Variants in PSG1 observed in about 807,000 individuals in gnomAD.
PSG1 encodes pregnancy-specific beta-1-glycoprotein 1.
A neutral mutation model predicts 41.4 loss-of-function variants in PSG1; 60 were observed. That is an observed-to-expected ratio of 1.45 (90% CI 1.18 to 1.80). PSG1 has a LOEUF of 1.80. Ranked by LOEUF, PSG1 falls within the 40% of genes most tolerant of loss-of-function variation. The pLI is 0.00. For missense variants in PSG1, 806 were observed against 516.9 expected (o/e 1.56, Z -5.42); for synonymous variants, 256 against 192.9 (o/e 1.33, Z -2.71).
At chr19:42,872,353 C>T (rs1038167566) in intron 2 of PSG1, among the ~76,000 whole-genome samples, 1 of 151,668 alleles carries the variant, frequency 6.6e-6, no homozygotes, top group African/African-American at 2.4e-5. Flanking sequence ...CCGTCTCCAA[C>T]TGCCTGCCTG....
intron 2 of PSG1, among the ~76,000 whole-genome samples, chr19:42,874,545 A>G (rs1309544721): frequency 6.6e-6 from 1 of 151,584 alleles, no homozygotes; most frequent in Non-Finnish European, 1.5e-5. Flanking sequence ...ACGGGGTTTC[A>G]CCATGTTAGC....
intron 2 of PSG1, among the ~76,000 whole-genome samples, chr19:42,875,892 C>A (rs547435462): frequency 6.9e-6 from 1 of 143,934 alleles, no homozygotes; most frequent in East Asian, 2.0e-4. Context: ...GATGGAGGAA[C>A]TGCCTATCCC....
chr19:42,872,991 A>T (rs1189672252), intron 2 of PSG1, among the ~76,000 whole-genome samples: 5 of 151,534 alleles, frequency 3.3e-5, no homozygotes, highest in Admixed American at 3.3e-4. Context: ...TAGACATTCT[A>T]CTCTCTGATT....
At position 42,877,918 on chromosome 19, in the gene PSG1, A is replaced by G. The variant is rs572222564; in HGVS notation, c.425T>C (p.Leu142Ser). Residue 142 changes from leucine to serine, a missense_variant, in exon 2 of 6, where the codon TTA becomes TCA. Physicochemically the swap from Leu to Ser is moderately radical, Grantham distance 145 (BLOSUM62 -2). Coordinates refer to ENST00000436291, the MANE Select transcript of PSG1 (RefSeq NM_001184825.2). The part of the protein sequence containing the change: ...RGVTGRFTFT[L>S]HLETPKPSIS... ...GATCATGTGGAATCACTTACGGTGT[A>G]AGGTGAAGGTGAAACGTCCAGTTAC... 3 of 1,612,080 alleles carry G rather than the reference A, an allele frequency of 1.9e-6. No individual in the cohort carries two copies. In the African/African-American group the frequency reaches 4.0e-5, roughly 22 times the overall value.
At chr19:42,870,354 G>C (rs1971328720) in intron 3 of PSG1, 1 of 151,610 alleles carries the variant, frequency 6.6e-6, no homozygotes, top group African/African-American at 2.4e-5. Flanking sequence ...CAGATTAGTA[G>C]GCAAAAGTGG....
Position 42,878,173 on chromosome 19 carries a change from T to C in PSG1, c.170A>G (p.Asn57Ser), listed in dbSNP as rs1258232122. 6.2e-6 allele frequency: 10 copies of C among 1,612,030 alleles called. No homozygotes were observed. The Admixed American group carries it at 1.3e-4, about 22-fold the overall frequency. Residue 57 changes from asparagine (N) to serine (S), a missense_variant, in exon 2 of 6, where the codon AAT becomes AGT. By Grantham distance (46) the Asn-to-Ser change is conservative. Transcript: ENST00000436291. Reference protein sequence around the residue: ...EGKDVLLLVHNLPQNLTGYIW... With the variant: ...EGKDVLLLVHSLPQNLTGYIW... ...GTAGCCGGTAAGATTCTGGGGCAAA[T>C]TGTGGACAAGTAGAAGAACATCCTT... is the stretch of plus-strand genomic sequence containing the variant.
rs1058668 is a variant in PSG1, at chr19:42,877,960, T to C, written c.383A>G (p.Asp128Gly). The change falls in exon 2 of 6, where the codon GAT (aspartate) becomes GGT (glycine). Residue 128 changes from aspartate to glycine, a missense_variant. Transcript: ENST00000436291. ...TCCAGTTACTCCTCTAGTCCCATCATCTCCCTTTATGATGTGTAAGGTGTA... is the reference window on the plus strand; with the variant it reads ...TCCAGTTACTCCTCTAGTCCCATCACCTCCCTTTATGATGTGTAAGGTGTA... ...GSYTLHIIKG[D>G]DGTRGVTGRF... The C allele has an allele frequency of 1.2e-4, 199 of 1,612,312 alleles. 3 individuals are homozygous for C. Among genetic ancestry groups the C allele is most frequent in the Middle Eastern group, 1.2e-3 (7 of 6,058 alleles).
rs765026561 is a variant in PSG1 at position 42,879,539 on chromosome 19, A to T, written c.43T>A (p.Trp15Arg). 1.2e-6 allele frequency: 2 copies of T among 1,610,484 alleles called. No homozygotes were observed. Among genetic ancestry groups the T allele is most frequent in the Admixed American group, 1.7e-5 (1 of 59,778 alleles). Residue 15 changes from tryptophan (W) to arginine (R), a missense_variant, in exon 1 of 6, where the codon TGG (tryptophan) becomes AGG (arginine). By Grantham distance (101) the Trp-to-Arg change is moderately radical. Coordinates refer to ENST00000436291, the MANE Select transcript of PSG1 (RefSeq NM_001184825.2). Reference sequence around the variant, plus strand: ...TCACCTGTGAGCAGGAGCCCCTTCCATTTGATGCGCTGTGTGCAGGGAGGG... The same window carrying T: ...TCACCTGTGAGCAGGAGCCCCTTCCTTTTGATGCGCTGTGTGCAGGGAGGG... ...SAPPCTQRIKWKGLLLTASLL... is the reference protein window; with the variant it reads ...SAPPCTQRIKRKGLLLTASLL...
chr19:42,878,375 C>A (rs1401596207), intron 1 of PSG1, 97 bp from the exon 2 acceptor site: 5 of 1,455,492 alleles, frequency 3.4e-6, no homozygotes, highest in Admixed American at 4.5e-5. Context: ...CAGTCCTCAG[C>A]CTTGACAACA....
At chr19:42,878,671 T>A (rs1037820340) in intron 1 of PSG1, among the ~76,000 whole-genome samples, 7 of 148,674 alleles carry the variant, frequency 4.7e-5, no homozygotes, top group Admixed American at 2.0e-4. Context: ...CTTCCCTTTC[T>A]GACCTTTCCC....
At chr19:42,873,817 A>C (rs1192915116) in intron 2 of PSG1, among the ~76,000 whole-genome samples, 10 of 151,610 alleles carry the variant, frequency 6.6e-5, no homozygotes, top group Non-Finnish European at 1.0e-4. Flanking sequence ...CCTGCTTCTA[A>C]ATTCTGTGCA....
chr19:42,877,595 A>C (rs10421724), intron 2 of PSG1, among the ~76,000 whole-genome samples: 28,770 of 151,446 alleles, frequency 0.19, 3,875 homozygotes, highest in East Asian at 0.43. Context: ...CTACTCAGTT[A>C]TCCAGGGTCT....
chr19:42,876,590 G>T (rs1257098157), intron 2 of PSG1: 2 of 376,312 alleles, frequency 5.3e-6, no homozygotes, highest in South Asian at 2.3e-5. Context: ...CTGTGGTGGT[G>T]TAGAGTGTGA....
Position 42,878,024 on chromosome 19 carries a change from G to C in PSG1, c.319C>G (p.Leu107Val), listed in dbSNP as rs768327773. ...TCCCGGGTGACATTCTGGATCAGCAGGGATGCATTGGAATATGCTGTTTCT... is the reference window on the plus strand; with the variant it reads ...TCCCGGGTGACATTCTGGATCAGCACGGATGCATTGGAATATGCTGTTTCT... ...GRETAYSNAS[L>V]LIQNVTREDA... The change falls in exon 2 of 6, where the codon CTG becomes GTG. Residue 107 changes from leucine to valine, a missense_variant. Physicochemically the swap from Leu to Val is conservative, Grantham distance 32. Transcript: ENST00000436291. 29 of 1,612,316 alleles carry C rather than the reference G, an allele frequency of 1.8e-5. No homozygotes were observed. The highest frequency in any genetic ancestry group is 3.3e-5 in the Admixed American group (2 of 59,860).
In PSG1 at chr19:42,879,635, ACT is replaced by A. The variant is rs368837831; in HGVS notation, c.-56_-55del. The stretch of plus-strand genomic sequence containing the variant: ...GTGGAGATAAGCCTAGGATCCAGAA[ACT>A]CTCTGAGCACGGCTGTCAGCTGTGC... On this transcript the variant is annotated 5_prime_UTR_variant, in exon 1 of 6. Coordinates refer to ENST00000436291, the MANE Select transcript of PSG1 (RefSeq NM_001184825.2). 1.2e-3 allele frequency: 1,952 copies of A among 1,598,974 alleles called. 41 individuals carry two copies. The highest frequency in any genetic ancestry group is 1.5e-3 in the Non-Finnish European group (1,754 of 1,171,388).
intron 2 of PSG1, chr19:42,876,738 C>T (rs1048731538): frequency 7.2e-5 from 12 of 166,264 alleles, no homozygotes; most frequent in East Asian, 1.8e-4. Context: ...TGCACTGACT[C>T]TGATGGTTGA....
In PSG1 at chr19:42,868,822, A is replaced by G; in HGVS notation, c.922T>C (p.Tyr308His). ...PSVTRNETGP[Y>H]QCEIRDRYGG... The stretch of plus-strand genomic sequence containing the variant: ...TATCGGTCCCGTATTTCACATTGAT[A>G]GGGTCCTGTTTCATTTCTCGTGACA... Residue 308 changes from tyrosine to histidine, a missense_variant, in exon 4 of 6, where the codon TAT becomes CAT. By Grantham distance (83) the Tyr-to-His change is moderately conservative. Transcript: ENST00000436291. 1 of 1,611,858 alleles carries G rather than the reference A, an allele frequency of 6.2e-7. No individual in the cohort carries two copies. The highest frequency in any genetic ancestry group is 1.1e-5 in the South Asian group (1 of 90,772).
chr19:42,872,672 A>AC (rs1195293130), intron 2 of PSG1, among the ~76,000 whole-genome samples: 5 of 151,456 alleles, frequency 3.3e-5, no homozygotes, highest in Non-Finnish European at 4.4e-5. Flanking sequence ...TGAGCTAGTG[A>AC]CTCTAAAGAT....
chr19:42,869,865 C>G (rs545911823), intron 3 of PSG1: 3 of 151,696 alleles, frequency 2.0e-5, no homozygotes, highest in East Asian at 1.9e-4. Context: ...TCAGAACTGA[C>G]TGGTAGAAAG....
Sources: allele counts gnomAD v4.1 joint callset (sites outside exome capture counted in the v4.1 genomes callset), GRCh38; gene constraint gnomAD v4.1.1; transcripts MANE v1.5; gene names NCBI Gene and HGNC (gene_info 2026-07-23, HGNC 2026-07-21).